CSRP1: variants seen among roughly 807,000 people sequenced by gnomAD.
The protein encoded by CSRP1 is cysteine and glycine-rich protein 1.
A neutral mutation model predicts 25.4 loss-of-function variants in CSRP1; 16 were observed. The observed-to-expected ratio is 0.63, with a 90% confidence interval of 0.43 to 0.96. CSRP1 has a LOEUF of 0.96. Among genes scored for constraint, CSRP1 ranks in the 40% least tolerant of loss-of-function variants. The pLI, the probability that CSRP1 is intolerant of heterozygous loss-of-function variation, is 0.00. For synonymous variants in CSRP1, 97 were observed against 95.3 expected, an observed-to-expected ratio of 1.02 and a Z score of -0.10; for missense variants, 212 against 243.6, an observed-to-expected ratio of 0.87 and a Z score of 0.86.
At chr1:201,494,639 C>T (rs758740247) in intron 2 of CSRP1, among the ~76,000 whole-genome samples, 2 of 152,220 alleles carry the variant, frequency 1.3e-5, no homozygotes, top group Non-Finnish European at 2.9e-5. Flanking sequence ...GAGATGCAAA[C>T]GTCCATTGAA....
In CSRP1 at chr1:201,484,077, C is replaced by T. The variant is rs780572699; in HGVS notation, c.*636G>A. On this transcript the variant is annotated 3_prime_UTR_variant, in exon 6 of 6. Transcript: ENST00000340006. Reference sequence around the variant, plus strand: ...TGGGGTCCTTAAGACCTGGGTTATTCTCCTCCCAGTCCTAGTGGGAGGCTA... The same window carrying T: ...TGGGGTCCTTAAGACCTGGGTTATTTTCCTCCCAGTCCTAGTGGGAGGCTA... 15 of 689,516 alleles carry T rather than the reference C, an allele frequency of 2.2e-5. No homozygotes were observed. The African/African-American group carries it at 2.6e-4, about 12-fold the overall frequency. The allele number at this position is 689,516 out of a possible 1,614,324, so 42.7% of individuals were successfully genotyped here.
chr1:201,501,131 G>A (rs1026377384), intron 1 of CSRP1, among the ~76,000 whole-genome samples: 1 of 152,176 alleles, frequency 6.6e-6, no homozygotes, highest in Non-Finnish European at 1.5e-5. Flanking sequence ...AGGATTAAAT[G>A]AGGAGGTATG....
chr1:201,496,841 C>T (rs1406768568), intron 1 of CSRP1, among the ~76,000 whole-genome samples: 3 of 152,172 alleles, frequency 2.0e-5, no homozygotes, highest in African/African-American at 2.4e-5. Flanking sequence ...AGAAGAGTTA[C>T]CTCTAAGAGA....
intron 1 of CSRP1, among the ~76,000 whole-genome samples, chr1:201,502,508 G>A (rs551390175): frequency 2.6e-5 from 4 of 152,328 alleles, no homozygotes; most frequent in South Asian, 2.1e-4. Flanking sequence ...TCAGGGTCAC[G>A]GGTAGGGGGA....
At chr1:201,486,849 T>G in intron 4 of CSRP1, 3 of 1,204,530 alleles carry the variant, frequency 2.5e-6, no homozygotes, top group Non-Finnish European at 3.2e-6. Flanking sequence ...CTTTACCTTA[T>G]AGCCTGCCTA....
chr1:201,496,961 A>C (rs1337956021), intron 1 of CSRP1, among the ~76,000 whole-genome samples: 1 of 152,296 alleles, frequency 6.6e-6, no homozygotes, highest in Non-Finnish European at 1.5e-5. Flanking sequence ...TCACTTTATA[A>C]TTATTCTTTG....
Position 201,484,160 on chromosome 1 carries a change from C to T in CSRP1, c.*553G>A. The stretch of plus-strand genomic sequence containing the variant: ...TGGAGAAGCAGGGGCTCCTAGGACC[C>T]TGCCTGCATGCCTCTCTGCCTCCAA... On this transcript the variant is annotated 3_prime_UTR_variant, in exon 6 of 6. Coordinates refer to ENST00000340006, the MANE Select transcript of CSRP1 (RefSeq NM_004078.3). The T allele has an allele frequency of 1.6e-6, 1 of 631,302 alleles. No individual in the cohort carries two copies. Among genetic ancestry groups the T allele is most frequent in the East Asian group, 2.8e-5 (1 of 36,168 alleles). 39.1% of individuals were successfully genotyped at this position (631,302 alleles called of 1,614,324 possible). A position where few individuals can be genotyped will look rare whatever the true frequency, so the allele number is the denominator to read the frequency against.
chr1:201,500,291 C>G (rs1339468751), intron 1 of CSRP1, among the ~76,000 whole-genome samples: 1 of 152,250 alleles, frequency 6.6e-6, no homozygotes. Flanking sequence ...GTTCCAAGCA[C>G]TGTTTTGTTA....
At chr1:201,488,834 C>T (rs1453523193) in intron 4 of CSRP1, 21 bp downstream of exon 4, 3 of 1,610,810 alleles carry the variant, frequency 1.9e-6, no homozygotes, top group Non-Finnish European at 1.7e-6. Flanking sequence ...CCATCCCTCT[C>T]ATGCCCAGCA....
In CSRP1 at chr1:201,484,581, C is replaced by T; in HGVS notation, c.*132G>A. 1 of 888,334 alleles carries T rather than the reference C, an allele frequency of 1.1e-6. No homozygotes were observed. Among genetic ancestry groups the T allele is most frequent in the East Asian group, 2.7e-5 (1 of 37,248 alleles). The allele number at this position is 888,334 out of a possible 1,614,324, so 55.0% of individuals were successfully genotyped here. On this transcript the variant is annotated 3_prime_UTR_variant, in exon 6 of 6. Coordinates refer to ENST00000340006, the MANE Select transcript of CSRP1 (RefSeq NM_004078.3). ...CCCCCAAACCAAAGGGAGCCAGATG[C>T]CCAAGTTCAAGTCATTAGTGATATG... is the stretch of plus-strand genomic sequence containing the variant.
chr1:201,496,929 A>G (rs10800784), intron 1 of CSRP1, among the ~76,000 whole-genome samples: 31,648 of 152,212 alleles, frequency 0.21, 3,921 homozygotes, highest in East Asian at 0.48. Flanking sequence ...TTCTTAACTC[A>G]GGGTGGTTGT....
At chr1:201,504,404 T>G (rs1262156173) in intron 1 of CSRP1, among the ~76,000 whole-genome samples, 1 of 152,240 alleles carries the variant, frequency 6.6e-6, no homozygotes, top group Non-Finnish European at 1.5e-5. Flanking sequence ...ACTCTAACAC[T>G]TATCGTTCAG....
intron 2 of CSRP1, among the ~76,000 whole-genome samples, chr1:201,495,214 A>G (rs1272024337): frequency 2.0e-5 from 3 of 152,308 alleles, no homozygotes; most frequent in East Asian, 3.9e-4. Flanking sequence ...TGGGTAATAT[A>G]GGGAGACCCT....
In CSRP1 at chr1:201,490,204, C is replaced by T. The variant is rs1664290640; in HGVS notation, c.253G>A (p.Gly85Arg). The T allele has an allele frequency of 1.2e-6, 2 of 1,614,130 alleles. No individual in the cohort carries two copies. Among genetic ancestry groups the T allele is most frequent in the East Asian group, 4.5e-5 (2 of 44,880 alleles). The change falls in exon 3 of 6, where the codon GGG becomes AGG. Residue 85 changes from glycine (G) to arginine (R), a missense_variant. Gly to Arg is a moderately radical substitution (Grantham distance 125). Transcript: ENST00000340006. Reference sequence around the variant, plus strand: ...TCGTGCTTGATACCCAGCGACTCCCCCTTGTCAGTGCTGAGGGTGCCTGCG... The same window carrying T: ...TCGTGCTTGATACCCAGCGACTCCCTCTTGTCAGTGCTGAGGGTGCCTGCG... The part of the protein sequence containing the change: ...QGAGTLSTDK[G>R]ESLGIKHEEA...
intron 5 of CSRP1, 125 bp from the exon 6 acceptor site, chr1:201,484,914 G>A: frequency 1.3e-6 from 1 of 784,142 alleles, no homozygotes; most frequent in Non-Finnish European, 2.1e-6. Flanking sequence ...AAGGTCCACT[G>A]GTACCCCCTC....
chr1:201,496,370 G>T (rs929041989), intron 1 of CSRP1, 66 bp from the exon 2 acceptor site: 4 of 1,300,696 alleles, frequency 3.1e-6, no homozygotes, highest in African/African-American at 1.5e-5. Flanking sequence ...GATTGTCCAC[G>T]ACAGAAATGC....
At position 201,490,295 on chromosome 1, in the gene CSRP1, C is replaced by T. The variant is rs1571776956; in HGVS notation, c.162G>A (p.Glu54=). The change falls in exon 3 of 6, where the codon GAG becomes GAA. Residue 54 remains glutamate, a synonymous_variant. Coordinates refer to ENST00000340006, the MANE Select transcript of CSRP1 (RefSeq NM_004078.3). ...LDSTTVAVHG[E]EIYCKSCYGK... ...CGTAGCAGGACTTGCAGTAAATCTC[C>T]TCACCATGCACGGCCACAGTGGTAC... is the stretch of plus-strand genomic sequence containing the variant. The T allele has an allele frequency of 6.2e-7, 1 of 1,614,208 alleles. No individual in the cohort carries two copies. The highest frequency in any genetic ancestry group is 8.5e-7 in the Non-Finnish European group (1 of 1,180,046).
intron 1 of CSRP1, among the ~76,000 whole-genome samples, chr1:201,503,781 C>T (rs932862309): frequency 6.6e-6 from 1 of 152,164 alleles, no homozygotes; most frequent in African/African-American, 2.4e-5. Context: ...ACCTCACCTT[C>T]TCTGCCCTCC....
intron 1 of CSRP1, among the ~76,000 whole-genome samples, chr1:201,498,578 G>A (rs950769111): frequency 6.6e-6 from 1 of 152,216 alleles, no homozygotes; most frequent in Non-Finnish European, 1.5e-5. Flanking sequence ...GGCAGAGGGA[G>A]ATACAGTCTC....
Sources: gnomAD v4.1 joint callset for allele counts (sites outside exome capture counted in the v4.1 genomes callset) on GRCh38, gnomAD v4.1.1 for gene constraint, MANE v1.5 for transcripts, NCBI Gene and HGNC (gene_info 2026-07-23, HGNC 2026-07-21) for gene names.